Variants in VWF observed in about 807,000 individuals in gnomAD.
The protein encoded by VWF is Factor VIII related antigen.
Under a neutral mutation model 308.6 loss-of-function variants are expected in VWF, and 176 were observed. That is an observed-to-expected ratio of 0.57 (90% CI 0.50 to 0.65). The LOEUF is 0.65. Among genes scored for constraint, VWF ranks in the 30% least tolerant of loss-of-function variants. The pLI, the probability that VWF is intolerant of heterozygous loss-of-function variation, is 0.00. For synonymous variants in VWF, 1,385 were observed against 1,443.4 expected, an observed-to-expected ratio of 0.96 and a Z score of 0.92; for missense variants, 3,146 against 3,648.2, an observed-to-expected ratio of 0.86 and a Z score of 3.55.
intron 6 of VWF, among the ~76,000 whole-genome samples, chr12:6,092,626 T>TGAGAGAGAGAGAGAGAGAGAGA (rs1242670462): frequency 1.2e-5 from 1 of 83,492 alleles, no homozygotes; most frequent in Non-Finnish European, 2.3e-5. Flanking sequence ...AGAGTGTGTG[T>TGAGAGAGAGAGAGAGAGAGAGA]GTGTGTGTGT....
At chr12:6,098,359 A>T (rs1218241846) in intron 5 of VWF, among the ~76,000 whole-genome samples, 1 of 152,218 alleles carries the variant, frequency 6.6e-6, no homozygotes, top group Admixed American at 6.5e-5. Flanking sequence ...AATATGAAAG[A>T]TATTTTAGGG....
At chr12:6,061,327 A>G (rs1004741996) in intron 13 of VWF, among the ~76,000 whole-genome samples, 1 of 152,154 alleles carries the variant, frequency 6.6e-6, no homozygotes, top group African/African-American at 2.4e-5. Context: ...CCCGGTAACT[A>G]AACGACCATG....
intron 47 of VWF, among the ~76,000 whole-genome samples, chr12:5,960,843 T>C (rs1321001600): frequency 6.6e-6 from 1 of 152,228 alleles, no homozygotes. Context: ...CAATATGCTA[T>C]AGGACAGGGG....
At position 6,013,581 on chromosome 12, in the gene VWF, T is replaced by G. The variant is rs535600018; in HGVS notation, c.5520A>C (p.Ala1840=). Residue 1840 remains alanine, a synonymous_variant, in exon 32 of 52, where the codon GCA becomes GCC. Transcript: ENST00000261405. ...CCACGTTGGAGTCGCCTGCTGGGCC[T>G]GCCAAGATCCGTAGCTGGGCTGCAT... ...RYDAAQLRIL[A]GPAGDSNVVK... 1.0e-4 allele frequency: 169 copies of G among 1,613,980 alleles called. 2 individuals carry two copies. The South Asian group carries it at 1.8e-3, about 17-fold the overall frequency.
intron 9 of VWF, 80 bp downstream of exon 9, chr12:6,072,251 G>A (rs1274879934): frequency 7.5e-7 from 1 of 1,341,364 alleles, no homozygotes; most frequent in East Asian, 2.3e-5. Context: ...TTTTCCACCT[G>A]CCACCACCCC....
chr12:6,032,275 C>T (rs1025554393), intron 20 of VWF, among the ~76,000 whole-genome samples: 29 of 151,886 alleles, frequency 1.9e-4, no homozygotes, highest in African/African-American at 7.0e-4. Flanking sequence ...CTGCAGTGAG[C>T]CGAGATCGCA....
chr12:6,092,168 A>G (rs1043426456), intron 6 of VWF, among the ~76,000 whole-genome samples: 1 of 151,552 alleles, frequency 6.6e-6, no homozygotes, highest in African/African-American at 2.4e-5. Context: ...GACTAAACGG[A>G]CTCCCCCTTG....
intron 42 of VWF, among the ~76,000 whole-genome samples, chr12:5,978,937 A>C (rs7298566): frequency 0.14 from 21,545 of 152,224 alleles, 1,671 homozygotes; most frequent in African/African-American, 0.17. Flanking sequence ...GAAAGCAAGA[A>C]AGCTACGAAA....
At chr12:6,030,376 G>A (rs140627457) in intron 21 of VWF, among the ~76,000 whole-genome samples, 107 of 152,298 alleles carry the variant, frequency 7.0e-4, no homozygotes, top group African/African-American at 2.5e-3. Context: ...CCATAATGGT[G>A]AAGAATTCAC....
intron 16 of VWF, among the ~76,000 whole-genome samples, chr12:6,049,137 G>A (rs1944479561): frequency 1.3e-5 from 2 of 152,080 alleles, no homozygotes; most frequent in Non-Finnish European, 2.9e-5. Context: ...ACCTTTTCAC[G>A]ACCACCACTA....
intron 41 of VWF, 78 bp downstream of exon 41, chr12:5,983,071 GA>G: frequency 7.3e-7 from 1 of 1,375,152 alleles, no homozygotes; most frequent in South Asian, 1.2e-5. Flanking sequence ...GATCTTGGAA[GA>G]GGTCCCTGAG....
intron 20 of VWF, among the ~76,000 whole-genome samples, chr12:6,032,076 C>A (rs536351153): frequency 6.6e-6 from 1 of 152,060 alleles, no homozygotes; most frequent in East Asian, 1.9e-4. Flanking sequence ...GCTACCAAGT[C>A]GAGATGAGTA....
At chr12:6,122,425 GGTGT>G (rs368452329) in intron 2 of VWF, among the ~76,000 whole-genome samples, 2 of 152,102 alleles carry the variant, frequency 1.3e-5, no homozygotes, top group East Asian at 3.9e-4. Context: ...ACTGACTATG[GGTGT>G]GTGTGTGTCG....
intron 34 of VWF, 25 bp from the exon 35 acceptor site, chr12:5,996,247 G>T: frequency 6.3e-7 from 1 of 1,592,794 alleles, no homozygotes; most frequent in African/African-American, 1.3e-5. Flanking sequence ...GCAGAGGATG[G>T]ATGCGACGTT....
intron 14 of VWF, 139 bp from the exon 15 acceptor site, chr12:6,057,211 AC>A: frequency 1.4e-6 from 1 of 690,208 alleles, no homozygotes; most frequent in Non-Finnish European, 2.3e-6. Context: ...TGCAAATGCC[AC>A]CCCCACCCCC....
intron 6 of VWF, among the ~76,000 whole-genome samples, chr12:6,087,741 A>G (rs1413194353): frequency 6.6e-6 from 1 of 152,114 alleles, no homozygotes; most frequent in Non-Finnish European, 1.5e-5. Flanking sequence ...TTCATGCGGC[A>G]GGTAGGGGGT....
chr12:5,962,352 GA>G (rs758023033), intron 47 of VWF, among the ~76,000 whole-genome samples: 5 of 151,762 alleles, frequency 3.3e-5, no homozygotes, highest in Non-Finnish European at 5.9e-5. Flanking sequence ...AATTTATATA[GA>G]AATTGAAAGG....
chr12:5,958,944 G>A (rs962472565), intron 47 of VWF, among the ~76,000 whole-genome samples: 8 of 152,004 alleles, frequency 5.3e-5, no homozygotes, highest in East Asian at 1.9e-4. Context: ...GGCTGGGTGC[G>A]GTGGCTCACA....
In VWF at chr12:6,019,193, CCTTCTT is replaced by C; in HGVS notation, c.4219_4224del (p.Lys1407_Lys1408del). 1 of 1,613,900 alleles carries C rather than the reference CCTTCTT, an allele frequency of 6.2e-7. No individual in the cohort carries two copies. Among genetic ancestry groups the C allele is most frequent in the African/African-American group, 1.3e-5 (1 of 75,000 alleles). ...CCAATGCCCACCGGGATCACAATGACCTTCTTCTTCTTCAGGCCCTGGACGTAGCGG... is the reference window on the plus strand; with the variant it reads ...CCAATGCCCACCGGGATCACAATGACCTTCTTCAGGCCCTGGACGTAGCGG... On this transcript the variant is annotated inframe_deletion, in exon 28 of 52. Coordinates refer to ENST00000261405, the MANE Select transcript of VWF (RefSeq NM_000552.5). This position sits in a 1 kb window ranked among gnomAD's most constrained non-coding sequence, Gnocchi z 5.8.
Sources: gnomAD v4.1 joint callset for allele counts (sites outside exome capture counted in the v4.1 genomes callset) on GRCh38, gnomAD v4.1.1 for gene constraint, Gnocchi (gnomAD v3.1) non-coding constraint, MANE v1.5 for transcripts, NCBI Gene and HGNC (gene_info 2026-07-23, HGNC 2026-07-21) for gene names.